The following ATRNL1 variants were observed in gnomAD, a reference collection of about 807,000 sequenced individuals.
ATRNL1 encodes attractin like 1.
A neutral mutation model predicts 182.7 loss-of-function variants in ATRNL1; 95 were observed. The ratio of observed to expected loss-of-function variants is 0.52; its 90% CI spans 0.44 to 0.62. The LOEUF is 0.62. Ranked by LOEUF, ATRNL1 falls within the 20% of genes least tolerant of loss-of-function variation. The probability of loss-of-function intolerance (pLI) is 0.00; values close to 1 mark genes in which losing one functional copy is unlikely to be tolerated. For missense variants in ATRNL1, 1,471 were observed against 1,679.5 expected (o/e 0.88, Z 2.17); for synonymous variants, 576 against 568.3 (o/e 1.01, Z -0.19).
At chr10:115,274,275 C>T (rs1016287651) in intron 13 of ATRNL1, among the ~76,000 whole-genome samples, 10 of 152,102 alleles carry the variant, frequency 6.6e-5, no homozygotes, top group African/African-American at 2.2e-4. Flanking sequence ...ACTTGGAATT[C>T]GCAGCTTTTT....
chr10:115,425,871 C>T (rs1461079956), intron 20 of ATRNL1, among the ~76,000 whole-genome samples: 3 of 151,846 alleles, frequency 2.0e-5, no homozygotes, highest in Non-Finnish European at 4.4e-5. Context: ...TTATGAATTC[C>T]CTGAATTTTC....
At chr10:115,104,839 A>G (rs1309739774) in intron 1 of ATRNL1, among the ~76,000 whole-genome samples, 30 of 152,190 alleles carry the variant, frequency 2.0e-4, no homozygotes, top group Admixed American at 1.9e-3. Context: ...ACCTTTGTCA[A>G]AAATGAGTTC....
intron 8 of ATRNL1, among the ~76,000 whole-genome samples, chr10:115,187,677 T>C (rs782457672): frequency 6.9e-6 from 1 of 145,272 alleles, no homozygotes; most frequent in African/African-American, 2.7e-5. Context: ...TTGGTTTTTT[T>C]TTTTTTTTTT....
At chr10:115,597,953 G>A (rs1856358737) in intron 26 of ATRNL1, 1 of 163,268 alleles carries the variant, frequency 6.1e-6, no homozygotes, top group Non-Finnish European at 1.3e-5. Flanking sequence ...ATTATTTTTG[G>A]CCTAAACAGT....
chr10:115,922,448 A>G (rs1953094301), intron 28 of ATRNL1, among the ~76,000 whole-genome samples: 1 of 152,130 alleles, frequency 6.6e-6, no homozygotes, highest in Admixed American at 6.5e-5. Context: ...CTATCTAGCT[A>G]GCTATTTATT....
At chr10:115,648,171 G>T (rs1859752969) in intron 26 of ATRNL1, among the ~76,000 whole-genome samples, 1 of 152,152 alleles carries the variant, frequency 6.6e-6, no homozygotes, top group South Asian at 2.1e-4. Flanking sequence ...GTAGCAGACA[G>T]AGAGCCAAAT....
intron 10 of ATRNL1, among the ~76,000 whole-genome samples, chr10:115,255,116 G>A (rs1260833443): frequency 2.6e-5 from 4 of 152,030 alleles, no homozygotes; most frequent in South Asian, 2.1e-4. Context: ...TTGGCAATGC[G>A]GACTCTTTTT....
At chr10:115,561,690 G>GGGGGGTGTGTGTGT (rs1554999705) in intron 26 of ATRNL1, among the ~76,000 whole-genome samples, 97 of 50,504 alleles carry the variant, frequency 1.9e-3, no homozygotes, top group Middle Eastern at 0.014. Flanking sequence ...TGTGTGTGTG[G>GGGGGGTGTGTGTGT]GTGTGTGTGT....
rs782559378 is a variant in ATRNL1 at position 115,302,083 on chromosome 10, C to T, written c.2818+40C>T. ...AGAGTGACTTTTCACTTGACAGCAACGTAAATTTACTTTTCTGTGATGTAA... is the reference window on the plus strand; with the variant it reads ...AGAGTGACTTTTCACTTGACAGCAATGTAAATTTACTTTTCTGTGATGTAA... On this transcript the variant is annotated intron_variant, in intron 17 of 28. Transcript: ENST00000355044. 4.2e-5 allele frequency: 61 copies of T among 1,459,948 alleles called. No homozygotes were observed. In the Middle Eastern group the frequency reaches 5.4e-4, roughly 13 times the overall value. 90.4% of individuals were successfully genotyped at this position (1,459,948 alleles called of 1,614,324 possible).
chr10:115,099,635 A>G (rs1270634049), intron 1 of ATRNL1, among the ~76,000 whole-genome samples: 2 of 152,194 alleles, frequency 1.3e-5, no homozygotes, highest in Non-Finnish European at 2.9e-5. Flanking sequence ...TGTGATTCTA[A>G]TAAGTGAATG....
chr10:115,893,702 G>A (rs959153660), intron 28 of ATRNL1, among the ~76,000 whole-genome samples: 7 of 152,146 alleles, frequency 4.6e-5, no homozygotes, highest in South Asian at 2.1e-4. Flanking sequence ...AGGAGGCTGC[G>A]GCTGGGCAGC....
chr10:115,753,120 G>A (rs1948492464), intron 27 of ATRNL1, among the ~76,000 whole-genome samples: 1 of 151,952 alleles, frequency 6.6e-6, no homozygotes, highest in Non-Finnish European at 1.5e-5. Context: ...TGCACATATG[G>A]AAGATTTGAT....
At chr10:115,569,929 C>T (rs1322078813) in intron 26 of ATRNL1, among the ~76,000 whole-genome samples, 2 of 152,004 alleles carry the variant, frequency 1.3e-5, no homozygotes, top group Non-Finnish European at 2.9e-5. Context: ...TGGTGTCTGG[C>T]GAGGGGCTAT....
chr10:115,684,932 T>C (rs1565283852), intron 26 of ATRNL1, among the ~76,000 whole-genome samples: 2 of 151,872 alleles, frequency 1.3e-5, no homozygotes, highest in South Asian at 4.1e-4. Context: ...TCACAGAATA[T>C]AGTATATTCT....
At chr10:115,201,884 G>C (rs1460848629) in intron 8 of ATRNL1, among the ~76,000 whole-genome samples, 5 of 152,104 alleles carry the variant, frequency 3.3e-5, no homozygotes, top group African/African-American at 7.2e-5. Flanking sequence ...TCTTCCATCT[G>C]TTTGTATCCT....
intron 19 of ATRNL1, among the ~76,000 whole-genome samples, chr10:115,363,010 A>T (rs2134163485): frequency 6.6e-6 from 1 of 152,092 alleles, no homozygotes; most frequent in South Asian, 2.1e-4. Context: ...TAGCAGCATG[A>T]TTTACAGTCC....
At chr10:115,364,406 A>C in intron 19 of ATRNL1, among the ~76,000 whole-genome samples, 2 of 143,648 alleles carry the variant, frequency 1.4e-5, no homozygotes, top group African/African-American at 2.6e-5. Flanking sequence ...TTATCAGCTT[A>C]AGGAGATTTT....
At chr10:115,667,808 T>C (rs1861089377) in intron 26 of ATRNL1, among the ~76,000 whole-genome samples, 1 of 151,892 alleles carries the variant, frequency 6.6e-6, no homozygotes, top group African/African-American at 2.4e-5. Flanking sequence ...AGGTGTGGGC[T>C]ACCATGACCA....
intron 25 of ATRNL1, among the ~76,000 whole-genome samples, chr10:115,535,303 G>A (rs539943169): frequency 2.4e-4 from 37 of 152,066 alleles, no homozygotes; most frequent in East Asian, 1.5e-3. Context: ...GGCTTTGTTC[G>A]TTTCTTTTTA....
Sources: allele counts gnomAD v4.1 joint callset (sites outside exome capture counted in the v4.1 genomes callset), GRCh38; gene constraint gnomAD v4.1.1; transcripts MANE v1.5; gene names NCBI Gene and HGNC (gene_info 2026-07-23, HGNC 2026-07-21).